The following KCNH2 variants were observed in gnomAD, a reference collection of about 807,000 sequenced individuals.
KCNH2 encodes potassium voltage-gated channel subfamily H member 2.
In KCNH2, 35 loss-of-function variants were observed where a neutral mutation model predicts 95.9. The ratio of observed to expected loss-of-function variants is 0.37; its 90% CI spans 0.28 to 0.48. The LOEUF is 0.48. KCNH2 is among the 20% of genes least tolerant of loss of function. The pLI, the probability that KCNH2 is intolerant of heterozygous loss-of-function variation, is 0.99. For missense variants in KCNH2, 1,274 were observed against 1,702.9 expected (o/e 0.75, Z 4.43); for synonymous variants, 786 against 754.7 (o/e 1.04, Z -0.68).
intron 2 of KCNH2, among the ~76,000 whole-genome samples, chr7:150,973,334 G>C (rs933667147): frequency 6.6e-6 from 1 of 152,154 alleles, no homozygotes; most frequent in Non-Finnish European, 1.5e-5. Context: ...TGTGGGCTCC[G>C]TTCCCAACTG....
chr7:150,955,634 C>T, intron 5 of KCNH2: 11 of 1,426,102 alleles, frequency 7.7e-6, no homozygotes, highest in South Asian at 1.5e-5. Context: ...CCAGAGCAGC[C>T]CCTGGCATGA....
intron 2 of KCNH2, among the ~76,000 whole-genome samples, chr7:150,968,023 G>A (rs1165952341): frequency 2.6e-5 from 4 of 152,234 alleles, no homozygotes; most frequent in African/African-American, 7.2e-5. Flanking sequence ...AGGCTACCAG[G>A]CCTAAGAGAT....
At chr7:150,953,645 G>A (rs1433163258) in intron 5 of KCNH2, among the ~76,000 whole-genome samples, 5 of 152,162 alleles carry the variant, frequency 3.3e-5, no homozygotes, top group African/African-American at 4.8e-5. Flanking sequence ...CTGGCCATCC[G>A]GACCCGGTGA....
At position 150,957,392 on chromosome 7, in the gene KCNH2, G is replaced by A. The variant is rs1801409576; in HGVS notation, c.1027C>T (p.Leu343Phe). The A allele has an allele frequency of 6.2e-7, 1 of 1,614,106 alleles. No individual in the cohort carries two copies. The highest frequency in any genetic ancestry group is 8.5e-7 in the Non-Finnish European group (1 of 1,180,016). ...GAAGCCAAGAAGGGGTCGCCCTTGA[G>A]GTCCACAAAGTTGAGGGTGATTTGG... Reference protein sequence around the residue: ...IPQITLNFVDLKGDPFLASPT... With the variant: ...IPQITLNFVDFKGDPFLASPT... The change falls in exon 5 of 15, where the codon CTC becomes TTC. Residue 343 changes from leucine (L) to phenylalanine (F), a missense_variant. Coordinates refer to ENST00000262186, the MANE Select transcript of KCNH2 (RefSeq NM_000238.4).
chr7:150,951,829 C>G lies in KCNH2; in HGVS notation c.1564G>C (p.Gly522Arg). 2 of 1,572,590 alleles carry G rather than the reference C, an allele frequency of 1.3e-6. No homozygotes were observed. The highest frequency in any genetic ancestry group is 1.7e-6 in the Non-Finnish European group (2 of 1,154,858). Residue 522 changes from glycine (G) to arginine (R), a missense_variant, in exon 7 of 15, where the codon GGG becomes CGG. Gly to Arg is a moderately radical substitution (Grantham distance 125). Transcript: ENST00000262186. Reference sequence around the variant, plus strand: ...AGCAGCCGCGCAGTCTTCAGCAGCCCGATCAGCTGGGGGACAGGGAAGGGG... The same window carrying G: ...AGCAGCCGCGCAGTCTTCAGCAGCCGGATCAGCTGGGGGACAGGGAAGGGG... ...IFGSGSEELIGLLKTARLLRL... is the reference protein window; with the variant it reads ...IFGSGSEELIRLLKTARLLRL...
Position 150,959,848 on chromosome 7 carries a change from T to C in KCNH2, c.308-112A>G. 2.5e-6 allele frequency: 3 copies of C among 1,196,994 alleles called. No homozygotes were observed. The Admixed American group carries it at 5.7e-5, about 23-fold the overall frequency. The allele number at this position is 1,196,994 out of a possible 1,614,324, so 74.1% of individuals were successfully genotyped here. The stretch of plus-strand genomic sequence containing the variant: ...GGGCCCGTCCACTTCTGCCTCCCCG[T>C]ATGGCCCTTCCTCTCCGGGATCTCC... On this transcript the variant is annotated intron_variant, in intron 2 of 14. Coordinates refer to ENST00000262186, the MANE Select transcript of KCNH2 (RefSeq NM_000238.4).
intron 5 of KCNH2, among the ~76,000 whole-genome samples, chr7:150,956,433 T>C (rs1318530785): frequency 6.6e-6 from 1 of 152,106 alleles, no homozygotes. Flanking sequence ...AGGGAACAGC[T>C]TGGGACAGGA....
intron 2 of KCNH2, among the ~76,000 whole-genome samples, chr7:150,973,052 G>A (rs1290010083): frequency 2.0e-5 from 3 of 152,216 alleles, no homozygotes; most frequent in African/African-American, 7.2e-5. Flanking sequence ...CCCTTGTGAA[G>A]GTCCAAAGCA....
At chr7:150,954,245 C>T (rs746931763) in intron 5 of KCNH2, among the ~76,000 whole-genome samples, 1 of 151,844 alleles carries the variant, frequency 6.6e-6, no homozygotes, top group Non-Finnish European at 1.5e-5. Flanking sequence ...GGGTGGGTGG[C>T]CCTTCAGTGA....
At chr7:150,966,647 C>G (rs915485918) in intron 2 of KCNH2, among the ~76,000 whole-genome samples, 1 of 151,712 alleles carries the variant, frequency 6.6e-6, no homozygotes, top group Non-Finnish European at 1.5e-5. Context: ...AAGATCAGCC[C>G]GCAAAAATAT....
At chr7:150,948,626 G>C (rs1801014882) in intron 10 of KCNH2, 83 bp from the exon 11 acceptor site, 5 of 1,329,228 alleles carry the variant, frequency 3.8e-6, no homozygotes, top group Non-Finnish European at 5.4e-6. Flanking sequence ...CCTTAACACA[G>C]AAAAAGTAGG....
At position 150,955,422 on chromosome 7, in the gene KCNH2, G is replaced by A. The variant is rs62492438; in HGVS notation, c.1128+1869C>T. 68 of 1,564,240 alleles carry A rather than the reference G, an allele frequency of 4.3e-5. No individual in the cohort carries two copies. The highest frequency in any genetic ancestry group is 5.6e-5 in the Admixed American group (3 of 53,662). ...TCCTGGGCCACGAGGCTGGAGATGC[G>A]CACGGCCCGCCTCACCCGGCCTTTC... On this transcript the variant is annotated intron_variant, in intron 5 of 14. Coordinates refer to ENST00000262186, the MANE Select transcript of KCNH2 (RefSeq NM_000238.4).
chr7:150,968,811 A>G (rs1484704656), intron 2 of KCNH2, among the ~76,000 whole-genome samples: 1 of 152,118 alleles, frequency 6.6e-6, no homozygotes, highest in Non-Finnish European at 1.5e-5. Context: ...GCACCATAGG[A>G]GCAGGGGTGC....
chr7:150,968,658 G>C (rs41308978), intron 2 of KCNH2, among the ~76,000 whole-genome samples: 7,249 of 152,168 alleles, frequency 0.048, 234 homozygotes, highest in African/African-American at 0.083. Context: ...AAAGGGAAAA[G>C]GAAAAAAATG....
intron 2 of KCNH2, among the ~76,000 whole-genome samples, chr7:150,971,494 C>A (rs1463027123): frequency 6.6e-6 from 1 of 152,100 alleles, no homozygotes; most frequent in Non-Finnish European, 1.5e-5. Flanking sequence ...CACCCACGCA[C>A]AAGCTCCCGG....
At chr7:150,966,485 C>T (rs1309967624) in intron 2 of KCNH2, among the ~76,000 whole-genome samples, 4 of 143,514 alleles carry the variant, frequency 2.8e-5, no homozygotes, top group African/African-American at 5.2e-5. Flanking sequence ...AACATTCGAG[C>T]ATCAAAACAT....
intron 2 of KCNH2, among the ~76,000 whole-genome samples, chr7:150,963,296 G>A (rs1227208480): frequency 2.0e-5 from 3 of 152,200 alleles, no homozygotes; most frequent in Admixed American, 6.5e-5. Context: ...GTGGAGTCAG[G>A]TGGCCTCTGC....
chr7:150,963,984 C>T (rs1231696640), intron 2 of KCNH2, among the ~76,000 whole-genome samples: 6 of 152,362 alleles, frequency 3.9e-5, no homozygotes, highest in Admixed American at 3.3e-4. Flanking sequence ...CAGCAGTCTA[C>T]CTGGGGTGGG....
chr7:150,948,720 T>C (rs1584847498), intron 10 of KCNH2, 136 bp downstream of exon 10: 1 of 1,077,158 alleles, frequency 9.3e-7, no homozygotes, highest in South Asian at 1.3e-5. Flanking sequence ...GGGACTTTTG[T>C]AGGCTGCTCT....
Sources: allele counts gnomAD v4.1 joint callset (sites outside exome capture counted in the v4.1 genomes callset), GRCh38; gene constraint gnomAD v4.1.1; transcripts MANE v1.5; gene names NCBI Gene and HGNC (gene_info 2026-07-23, HGNC 2026-07-21).